The following KCNQ3 variants were observed in gnomAD, a reference collection of about 807,000 sequenced individuals.
The protein encoded by KCNQ3 is potassium voltage-gated channel subfamily KQT member 3.
KCNQ3 carries 30 observed loss-of-function variants against 92.5 expected under a neutral mutation model. That is an observed-to-expected ratio of 0.32 (90% CI 0.24 to 0.44). The LOEUF is 0.44. Ranked by LOEUF, KCNQ3 falls within the 20% of genes least tolerant of loss-of-function variation. The pLI, the probability that KCNQ3 is intolerant of heterozygous loss-of-function variation, is 1.00. For missense variants in KCNQ3, 913 were observed against 1,140.3 expected, an observed-to-expected ratio of 0.80 and a Z score of 2.87; for synonymous variants, 450 against 468.8, an observed-to-expected ratio of 0.96 and a Z score of 0.52.
At chr8:132,436,554 C>T (rs1587017782) in intron 1 of KCNQ3, among the ~76,000 whole-genome samples, 1 of 152,210 alleles carries the variant, frequency 6.6e-6, no homozygotes, top group East Asian at 1.9e-4. Context: ...TAGACACTAA[C>T]TAGTTTGGGG....
chr8:132,263,388 C>G (rs1441500310), intron 1 of KCNQ3, among the ~76,000 whole-genome samples: 2 of 152,220 alleles, frequency 1.3e-5, no homozygotes, highest in Non-Finnish European at 2.9e-5. Flanking sequence ...TTATCTGATG[C>G]TGACGGCTCC....
intron 1 of KCNQ3, among the ~76,000 whole-genome samples, chr8:132,406,079 T>C (rs986049021): frequency 6.6e-6 from 1 of 152,202 alleles, no homozygotes; most frequent in African/African-American, 2.4e-5. Context: ...GGAGTAATTA[T>C]GCCAACTTTT....
Position 132,480,136 on chromosome 8 carries a change from C to G in KCNQ3, c.386+11G>C, listed in dbSNP as rs747450105. 12 of 1,609,848 alleles carry G rather than the reference C, an allele frequency of 7.5e-6. No individual in the cohort carries two copies. The highest frequency in any genetic ancestry group is 7.6e-6 in the Non-Finnish European group (9 of 1,177,812). On this transcript the variant is annotated intron_variant, in intron 1 of 14. Coordinates refer to ENST00000388996, the MANE Select transcript of KCNQ3 (RefSeq NM_004519.4). ...CGCCGCCGAGGGCGCCCCGAGCGGC[C>G]GGGTACTCACACCAACGCGTGGTAA...
chr8:132,163,274 G>A (rs920363882), intron 9 of KCNQ3, among the ~76,000 whole-genome samples, 194 bp downstream of exon 9: 2 of 152,120 alleles, frequency 1.3e-5, no homozygotes, highest in African/African-American at 4.8e-5. Flanking sequence ...CTGCTGCCAT[G>A]ATTCCTATTA....
At position 132,477,342 on chromosome 8, in the gene KCNQ3, T is replaced by G. The variant is rs564819862; in HGVS notation, c.386+2805A>C. Among the ~76,000 whole-genome samples, 31 of 92,474 alleles carry G rather than the reference T, an allele frequency of 3.4e-4. No homozygotes were observed. The South Asian group carries it at 0.011, about 34-fold the overall frequency. The allele number at this position is 92,474 out of a possible 152,430, so 60.7% of individuals were successfully genotyped here. A position where few individuals can be genotyped will look rare whatever the true frequency, so the allele number is the denominator to read the frequency against. ...ATAATCTCATCATGGACCTGGTTCA[T>G]TTTAATTTAAAAAAAAAAAAAAAGC... On this transcript the variant is annotated intron_variant, in intron 1 of 14. Coordinates refer to ENST00000388996, the MANE Select transcript of KCNQ3 (RefSeq NM_004519.4).
intron 1 of KCNQ3, among the ~76,000 whole-genome samples, chr8:132,430,135 T>C (rs1821211563): frequency 6.6e-6 from 1 of 152,186 alleles, no homozygotes; most frequent in African/African-American, 2.4e-5. Context: ...GGTTCTTTCA[T>C]GAGCTGTCTC....
chr8:132,308,004 C>T (rs1454656338), intron 1 of KCNQ3, among the ~76,000 whole-genome samples: 1 of 152,192 alleles, frequency 6.6e-6, no homozygotes, highest in African/African-American at 2.4e-5. Flanking sequence ...CAACCCTTGC[C>T]TCCTGTCCCA....
In KCNQ3 at chr8:132,140,085, C is replaced by T. The variant is rs1433850673; in HGVS notation, c.1559G>A (p.Arg520Gln). 4 of 1,595,704 alleles carry T rather than the reference C, an allele frequency of 2.5e-6. No homozygotes were observed. In the Admixed American group the frequency reaches 5.1e-5, roughly 20 times the overall value. ...DMIPTLKAAIRAVRILQFRLY... is the reference protein window; with the variant it reads ...DMIPTLKAAIQAVRILQFRLY... ...ACCGTGGGGGCATTACCTGACGGCT[C>T]GGATGGCGGCCTTCAGGGTGGGGAT... Residue 520 changes from arginine (R) to glutamine (Q), a missense_variant, in exon 11 of 15, where the codon CGA (arginine) becomes CAA (glutamine). Arg to Gln is a conservative substitution (Grantham distance 43). Coordinates refer to ENST00000388996, the MANE Select transcript of KCNQ3 (RefSeq NM_004519.4).
At chr8:132,446,889 C>T (rs753166803) in intron 1 of KCNQ3, among the ~76,000 whole-genome samples, 13 of 152,136 alleles carry the variant, frequency 8.5e-5, no homozygotes, top group Admixed American at 2.6e-4. Flanking sequence ...TAGGAGGAGA[C>T]GAATTTAAAG....
At chr8:132,184,775 C>T (rs954494408) in intron 2 of KCNQ3, among the ~76,000 whole-genome samples, 1 of 152,180 alleles carries the variant, frequency 6.6e-6, no homozygotes, top group Admixed American at 6.5e-5. Context: ...TGTACCCTGG[C>T]ATTGCTAATT....
intron 1 of KCNQ3, among the ~76,000 whole-genome samples, chr8:132,422,459 T>C (rs1006642573): frequency 2.6e-5 from 4 of 152,186 alleles, no homozygotes; most frequent in South Asian, 2.1e-4. Flanking sequence ...CTCTCTATCC[T>C]GCAGGTGTGC....
intron 1 of KCNQ3, among the ~76,000 whole-genome samples, chr8:132,207,282 C>T (rs1179079389): frequency 6.6e-6 from 1 of 152,126 alleles, no homozygotes; most frequent in Non-Finnish European, 1.5e-5. Flanking sequence ...GGTATGAGGA[C>T]CTATTTTCAT....
intron 1 of KCNQ3, among the ~76,000 whole-genome samples, chr8:132,324,023 T>G (rs1193274455): frequency 6.6e-6 from 1 of 152,226 alleles, no homozygotes; most frequent in Non-Finnish European, 1.5e-5. Context: ...AATTCCACAC[T>G]GCTTACGGTT....
chr8:132,362,244 A>G (rs966573505), intron 1 of KCNQ3, among the ~76,000 whole-genome samples: 3 of 152,188 alleles, frequency 2.0e-5, no homozygotes, highest in Admixed American at 1.3e-4. Context: ...AAAAAACTCA[A>G]AATGTAACCT....
chr8:132,302,658 G>C (rs139258180), intron 1 of KCNQ3, among the ~76,000 whole-genome samples: 4 of 152,308 alleles, frequency 2.6e-5, no homozygotes, highest in African/African-American at 9.6e-5. Flanking sequence ...AACTAGGCCT[G>C]AATAGAGGCC....
At chr8:132,170,937 T>C (rs767119024) in intron 7 of KCNQ3, among the ~76,000 whole-genome samples, 6 of 151,542 alleles carry the variant, frequency 4.0e-5, no homozygotes, top group Non-Finnish European at 7.4e-5. Context: ...GAGGATAAAT[T>C]GAGCCCAGGA....
intron 1 of KCNQ3, among the ~76,000 whole-genome samples, chr8:132,352,406 T>A (rs1385895527): frequency 1.3e-5 from 2 of 152,058 alleles, no homozygotes; most frequent in African/African-American, 4.8e-5. Flanking sequence ...GGAACAAGAC[T>A]CCTACAACAA....
chr8:132,242,787 A>C (rs989942644), intron 1 of KCNQ3, among the ~76,000 whole-genome samples: 1 of 152,244 alleles, frequency 6.6e-6, no homozygotes, highest in Admixed American at 6.5e-5. Flanking sequence ...ATGATACCTG[A>C]CATTACATTT....
chr8:132,232,680 G>A (rs935784460), intron 1 of KCNQ3, among the ~76,000 whole-genome samples: 2 of 152,144 alleles, frequency 1.3e-5, no homozygotes, highest in Admixed American at 1.3e-4. Flanking sequence ...GATGTGTCCT[G>A]TGACAGATAT....
Sources: allele counts gnomAD v4.1 joint callset (sites outside exome capture counted in the v4.1 genomes callset), GRCh38; gene constraint gnomAD v4.1.1; transcripts MANE v1.5; gene names NCBI Gene and HGNC (gene_info 2026-07-23, HGNC 2026-07-21).